PCDH7: variants seen among roughly 807,000 people sequenced by gnomAD.
PCDH7 encodes protocadherin-7.
Under a neutral mutation model 58.9 loss-of-function variants are expected in PCDH7, and 17 were observed. The ratio of observed to expected loss-of-function variants is 0.29; its 90% CI spans 0.20 to 0.43. PCDH7 has a LOEUF of 0.43. Among genes scored for constraint, PCDH7 ranks in the 20% least tolerant of loss-of-function variants. The pLI is 1.00. For synonymous variants in PCDH7, 664 were observed against 616.4 expected (o/e 1.08, Z -1.14); for missense variants, 1,274 against 1,441.0 (o/e 0.88, Z 1.88).
chr4:30,952,852 T>C (rs1246973638), intron 3 of PCDH7, among the ~76,000 whole-genome samples: 1 of 152,202 alleles, frequency 6.6e-6, no homozygotes, highest in Non-Finnish European at 1.5e-5. Context: ...GCCTAGAGAA[T>C]ACGGTTGAGA....
chr4:30,966,508 A>G (rs1749007803), intron 3 of PCDH7, among the ~76,000 whole-genome samples: 1 of 152,242 alleles, frequency 6.6e-6, no homozygotes, highest in African/African-American at 2.4e-5. Context: ...TGCAGGAAAA[A>G]TGTGGGGTGC....
At chr4:30,979,257 A>C (rs948544013) in intron 3 of PCDH7, among the ~76,000 whole-genome samples, 6 of 149,340 alleles carry the variant, frequency 4.0e-5, no homozygotes, top group Non-Finnish European at 8.9e-5. Context: ...ACCCAGGAGG[A>C]GGAGCTTGCA....
intron 2 of PCDH7, among the ~76,000 whole-genome samples, chr4:30,933,453 C>T (rs1230471506): frequency 6.6e-6 from 1 of 152,288 alleles, no homozygotes; most frequent in South Asian, 2.1e-4. Context: ...CCGCTACTAA[C>T]CACAATCTTG....
intron 3 of PCDH7, among the ~76,000 whole-genome samples, chr4:31,100,200 TAA>T (rs963753893): frequency 6.6e-6 from 1 of 152,036 alleles, no homozygotes; most frequent in African/African-American, 2.4e-5. Context: ...AGTTGAAGGA[TAA>T]AAAAGAAGTA....
intron 2 of PCDH7, among the ~76,000 whole-genome samples, chr4:30,939,399 C>T (rs1745755659): frequency 6.6e-6 from 1 of 152,158 alleles, no homozygotes; most frequent in Non-Finnish European, 1.5e-5. Flanking sequence ...TGGTAATAAA[C>T]TTTCATGGAT....
At chr4:31,079,075 C>T (rs1241814464) in intron 3 of PCDH7, among the ~76,000 whole-genome samples, 2 of 151,378 alleles carry the variant, frequency 1.3e-5, no homozygotes, top group Admixed American at 6.6e-5. Context: ...AAACATTTAA[C>T]ATTTAAAGAT....
chr4:30,898,740 G>A (rs903596571), intron 1 of PCDH7, among the ~76,000 whole-genome samples: 5 of 152,192 alleles, frequency 3.3e-5, no homozygotes, highest in Admixed American at 2.6e-4. Context: ...ACAGGCGCCC[G>A]CCACCACGCC....
rs762557866 is a variant in PCDH7, at chr4:31,047,465, G to A, written c.*8-95008G>A. Among the ~76,000 whole-genome samples, 5 of 152,066 alleles carry A rather than the reference G, an allele frequency of 3.3e-5. No individual in the cohort carries two copies. The East Asian group carries it at 5.8e-4, about 18-fold the overall frequency. On this transcript the variant is annotated intron_variant, in intron 3 of 3. Coordinates refer to the PCDH7 transcript ENST00000509759. ...ACAAATGCTCACTGTCATAGGAGCC[G>A]CCATCCCTGCCTTTCCCTGATTATC... is the stretch of plus-strand genomic sequence containing the variant.
chr4:30,938,506 G>A (rs28513899), intron 2 of PCDH7, among the ~76,000 whole-genome samples: 7 of 145,228 alleles, frequency 4.8e-5, no homozygotes, highest in Admixed American at 1.4e-4. Flanking sequence ...ACACACACAC[G>A]CACACACTCA....
intron 1 of PCDH7, among the ~76,000 whole-genome samples, chr4:30,813,706 G>A (rs1217879536): frequency 6.6e-6 from 1 of 152,088 alleles, no homozygotes; most frequent in Admixed American, 6.6e-5. Context: ...CAGTGGCATG[G>A]TCTCTGCTCA....
At chr4:30,724,734 G>A (rs1714367099) in intron 1 of PCDH7, 138 bp downstream of exon 1, 1 of 1,448,368 alleles carries the variant, frequency 6.9e-7, no homozygotes, top group Admixed American at 2.8e-5. Context: ...GTTAATTTTT[G>A]CACCATTAAT....
chr4:31,033,930 C>CA (rs1431074713), intron 3 of PCDH7, among the ~76,000 whole-genome samples: 351 of 152,188 alleles, frequency 2.3e-3, no homozygotes, highest in African/African-American at 8.2e-3. Context: ...CCCATCTCTA[C>CA]TAAAAATACA....
At chr4:31,077,447 A>G (rs568964537) in intron 3 of PCDH7, among the ~76,000 whole-genome samples, 1 of 152,196 alleles carries the variant, frequency 6.6e-6, no homozygotes, top group East Asian at 1.9e-4. Flanking sequence ...AAGAAAAAAA[A>G]TATGCAAGTC....
At chr4:31,019,090 G>A (rs1337017297) in intron 3 of PCDH7, among the ~76,000 whole-genome samples, 1 of 152,018 alleles carries the variant, frequency 6.6e-6, no homozygotes, top group Non-Finnish European at 1.5e-5. Context: ...ATTCCATTTT[G>A]AGGATTGATC....
At chr4:30,976,419 G>A (rs1396309413) in intron 3 of PCDH7, among the ~76,000 whole-genome samples, 1 of 38,006 alleles carries the variant, frequency 2.6e-5, no homozygotes, top group African/African-American at 1.3e-4. Flanking sequence ...TTTTTTTTTT[G>A]AGACGGAGTC....
intron 3 of PCDH7, among the ~76,000 whole-genome samples, chr4:30,992,086 C>A (rs1751509026): frequency 6.6e-6 from 1 of 151,952 alleles, no homozygotes; most frequent in Admixed American, 6.6e-5. Flanking sequence ...GTTTCCTTAT[C>A]AAAAAACAGG....
intron 1 of PCDH7, among the ~76,000 whole-genome samples, chr4:30,833,323 C>T (rs1730044406): frequency 6.6e-6 from 1 of 152,074 alleles, no homozygotes; most frequent in Admixed American, 6.6e-5. Context: ...TTTCTTGCCT[C>T]TTTCAGCTTC....
At chr4:30,762,275 C>T (rs1720126785) in intron 1 of PCDH7, among the ~76,000 whole-genome samples, 2 of 151,866 alleles carry the variant, frequency 1.3e-5, no homozygotes, top group African/African-American at 4.8e-5. Context: ...TCCCCTGAGG[C>T]AATAGGAAAC....
intron 3 of PCDH7, among the ~76,000 whole-genome samples, chr4:30,961,911 T>G (rs1282377714): frequency 6.6e-6 from 1 of 152,182 alleles, no homozygotes; most frequent in East Asian, 1.9e-4. Context: ...TATTTGAAAT[T>G]TTGTCTCAAT....
Sources: gnomAD v4.1 joint callset for allele counts (sites outside exome capture counted in the v4.1 genomes callset) on GRCh38, gnomAD v4.1.1 for gene constraint, MANE v1.5 for transcripts, NCBI Gene and HGNC (gene_info 2026-07-23, HGNC 2026-07-21) for gene names.